The following EDIL3 variants were observed in gnomAD, a reference collection of about 807,000 sequenced individuals.
EDIL3 encodes EGF like and discoidin domains 3.
Under a neutral mutation model 67.4 loss-of-function variants are expected in EDIL3, and 37 were observed. The observed-to-expected ratio is 0.55, with a 90% confidence interval of 0.42 to 0.72. The LOEUF (loss-of-function observed/expected upper bound fraction) is 0.72. EDIL3 is among the 30% of genes least tolerant of loss of function. The pLI, the probability that EDIL3 is intolerant of heterozygous loss-of-function variation, is 0.00. For synonymous variants in EDIL3, 195 were observed against 196.3 expected (o/e 0.99, Z 0.05); for missense variants, 527 against 586.3 (o/e 0.90, Z 1.04).
At chr5:84,154,104 A>G (rs1280266270) in intron 4 of EDIL3, among the ~76,000 whole-genome samples, 2 of 152,206 alleles carry the variant, frequency 1.3e-5, no homozygotes, top group Non-Finnish European at 2.9e-5. Context: ...GTGATGATGG[A>G]AGAAGTTCCG....
At chr5:84,224,787 T>C (rs931289819) in intron 3 of EDIL3, among the ~76,000 whole-genome samples, 4 of 151,514 alleles carry the variant, frequency 2.6e-5, no homozygotes, top group Non-Finnish European at 4.4e-5. Context: ...ATAGTTTATA[T>C]TGTAATCCCA....
chr5:84,160,816 TTTCCC>T (rs1384085773), intron 4 of EDIL3, among the ~76,000 whole-genome samples: 1 of 129,596 alleles, frequency 7.7e-6, no homozygotes, highest in African/African-American at 3.4e-5. Context: ...TTTCCTTTCC[TTTCCC>T]TTTCCTTTTC....
At position 84,349,882 on chromosome 5, in the gene EDIL3, T is replaced by C. The variant is rs143738169; in HGVS notation, c.67+34426A>G. Among the ~76,000 whole-genome samples the C allele has an allele frequency of 3.9e-5, 6 of 152,274 alleles. No homozygotes were observed. The East Asian group carries it at 9.6e-4, about 24-fold the overall frequency. ...TACTTTTGATTAACTTAAAAATAGA[T>C]AGGTAATTTACTATGTGCCAGCAAC... is the stretch of plus-strand genomic sequence containing the variant. On this transcript the variant is annotated intron_variant, in intron 1 of 10. Transcript: ENST00000296591.
At chr5:84,104,980 A>T (rs1342606138) in intron 6 of EDIL3, among the ~76,000 whole-genome samples, 1 of 152,058 alleles carries the variant, frequency 6.6e-6, no homozygotes, top group Non-Finnish European at 1.5e-5. Flanking sequence ...ACCCTGATGT[A>T]AACTGGTGAT....
At chr5:84,237,889 C>T (rs1023685704) in intron 2 of EDIL3, among the ~76,000 whole-genome samples, 6 of 152,028 alleles carry the variant, frequency 3.9e-5, no homozygotes, top group Admixed American at 2.6e-4. Context: ...TATAGTAAAA[C>T]TTCCAATGTC....
Position 84,249,948 on chromosome 5 carries a change from T to G in EDIL3, c.196+4136A>C, listed in dbSNP as rs147540119. 3.7e-3 allele frequency among the ~76,000 whole-genome samples: 564 copies of G among 152,198 alleles called. 1 individual carries two copies. Among genetic ancestry groups the G allele is most frequent in the African/African-American group, 0.012 (483 of 41,528 alleles). On this transcript the variant is annotated intron_variant, in intron 2 of 10. Transcript: ENST00000296591. ...AGAGATAATAGAACATTTATATATA[T>G]ATAGAGAGAGAGATAATAGAAAATT...
chr5:84,264,997 C>T (rs566276280), intron 1 of EDIL3, among the ~76,000 whole-genome samples: 120 of 152,184 alleles, frequency 7.9e-4, no homozygotes, highest in African/African-American at 2.9e-3. Flanking sequence ...CCAAGGAAAA[C>T]AAGTCAAACA....
intron 1 of EDIL3, among the ~76,000 whole-genome samples, chr5:84,321,405 G>A (rs1408492707): frequency 1.3e-5 from 2 of 152,130 alleles, no homozygotes; most frequent in African/African-American, 4.8e-5. Flanking sequence ...GCATTCTGGG[G>A]AGATAGTGGA....
chr5:83,987,987 A>G (rs764715166), intron 9 of EDIL3, among the ~76,000 whole-genome samples: 137 of 151,846 alleles, frequency 9.0e-4, no homozygotes, highest in Non-Finnish European at 1.3e-3. Context: ...GAGGCATCCA[A>G]CGGGAGTACA....
chr5:84,367,881 T>C (rs1296616811), intron 1 of EDIL3, among the ~76,000 whole-genome samples: 1 of 152,204 alleles, frequency 6.6e-6, no homozygotes, highest in African/African-American at 2.4e-5. Context: ...GAAAAGATTT[T>C]CAGCTTTTTG....
At chr5:84,200,131 T>C (rs761257815) in intron 3 of EDIL3, among the ~76,000 whole-genome samples, 9 of 152,108 alleles carry the variant, frequency 5.9e-5, no homozygotes, top group Non-Finnish European at 1.2e-4. Flanking sequence ...ATAGATATTG[T>C]ATGATTTATA....
chr5:84,271,576 T>C (rs1466095859), intron 1 of EDIL3, among the ~76,000 whole-genome samples: 4 of 152,124 alleles, frequency 2.6e-5, no homozygotes, highest in Admixed American at 2.6e-4. Context: ...CCCCAGTCAC[T>C]GATATGTTGT....
chr5:84,215,494 C>T (rs1002219699), intron 3 of EDIL3, among the ~76,000 whole-genome samples: 4 of 152,004 alleles, frequency 2.6e-5, no homozygotes, highest in South Asian at 2.1e-4. Flanking sequence ...CCTCGTGATC[C>T]GCCCTCCTGG....
chr5:83,984,408 T>C (rs750532904), intron 9 of EDIL3, among the ~76,000 whole-genome samples: 13 of 152,102 alleles, frequency 8.5e-5, no homozygotes, highest in Non-Finnish European at 1.8e-4. Flanking sequence ...TTGGATTCTT[T>C]TCTCAGCAAA....
intron 1 of EDIL3, among the ~76,000 whole-genome samples, chr5:84,280,952 A>AAAAAAAAAAAAAAAAAAAAG (rs1745688273): frequency 6.8e-6 from 1 of 147,686 alleles, no homozygotes; most frequent in Non-Finnish European, 1.5e-5. Context: ...TCTGTCAAAA[A>AAAAAAAAAAAAAAAAAAAAG]AAAAAAAAAA....
chr5:84,090,743 C>T (rs1747150722), intron 6 of EDIL3, among the ~76,000 whole-genome samples: 2 of 151,768 alleles, frequency 1.3e-5, no homozygotes, highest in Admixed American at 6.6e-5. Flanking sequence ...CTCAAGAGAC[C>T]GAGACCATCC....
At chr5:84,141,947 A>ATT (rs1561443840) in intron 4 of EDIL3, among the ~76,000 whole-genome samples, 1 of 48,784 alleles carries the variant, frequency 2.0e-5, no homozygotes, top group Admixed American at 2.5e-4. Flanking sequence ...ATATATATAT[A>ATT]CATAGATCTA....
chr5:84,054,678 G>C (rs908710330), intron 9 of EDIL3, among the ~76,000 whole-genome samples: 16 of 152,010 alleles, frequency 1.1e-4, no homozygotes, highest in Non-Finnish European at 1.9e-4. Context: ...GACAAACAGA[G>C]AGCCAAATGA....
In EDIL3 at chr5:84,093,796, A is replaced by C. The variant is rs950727767; in HGVS notation, c.651+12853T>G. On this transcript the variant is annotated intron_variant, in intron 6 of 10. Coordinates refer to ENST00000296591, the MANE Select transcript of EDIL3 (RefSeq NM_005711.5). ...TGCCTCAGCCTCCCAAGTAGCTGGG[A>C]CTAGAGGTGTCTGCCACCACAACCG... Among the ~76,000 whole-genome samples, 5 of 151,162 alleles carry C rather than the reference A, an allele frequency of 3.3e-5. No homozygotes were observed. The Admixed American group carries it at 3.3e-4, about 10-fold the overall frequency.
Sources: allele counts gnomAD v4.1 joint callset (sites outside exome capture counted in the v4.1 genomes callset), GRCh38; gene constraint gnomAD v4.1.1; transcripts MANE v1.5; gene names NCBI Gene and HGNC (gene_info 2026-07-23, HGNC 2026-07-21).